The following CALD1 variants were observed in gnomAD, a reference collection of about 807,000 sequenced individuals.
CALD1 encodes the protein caldesmon 1.
In CALD1, 33 loss-of-function variants were observed where a neutral mutation model predicts 99.9. The ratio of observed to expected loss-of-function variants is 0.33; its 90% CI spans 0.25 to 0.44. The LOEUF is 0.44. Ranked by LOEUF, CALD1 falls within the 20% of genes least tolerant of loss-of-function variation. The probability of loss-of-function intolerance (pLI) is 1.00; values close to 1 mark genes in which losing one functional copy is unlikely to be tolerated. For missense variants in CALD1, 861 were observed against 962.1 expected (o/e 0.89, Z 1.39); for synonymous variants, 310 against 325.0 (o/e 0.95, Z 0.50).
chr7:134,826,132 A>G (rs1418423258), intron 1 of CALD1, among the ~76,000 whole-genome samples: 1 of 152,178 alleles, frequency 6.6e-6, no homozygotes, highest in Non-Finnish European at 1.5e-5. Context: ...GAACAAAACT[A>G]GCATTTTTAA....
At chr7:134,806,453 C>T (rs1368015054) in intron 1 of CALD1, among the ~76,000 whole-genome samples, 1 of 152,236 alleles carries the variant, frequency 6.6e-6, no homozygotes, top group Admixed American at 6.5e-5. Flanking sequence ...CCAATGAATG[C>T]TATCATACCC....
intron 1 of CALD1, among the ~76,000 whole-genome samples, chr7:134,747,400 G>A (rs570087472): frequency 6.6e-6 from 1 of 152,366 alleles, no homozygotes; most frequent in East Asian, 1.9e-4. Context: ...ACCCTAGAGG[G>A]AGTTGTTCAA....
At chr7:134,931,126 A>T (rs1479125861) in intron 4 of CALD1, among the ~76,000 whole-genome samples, 1 of 152,028 alleles carries the variant, frequency 6.6e-6, no homozygotes, top group African/African-American at 2.4e-5. Flanking sequence ...TTGAGGTCTG[A>T]GAATGTGTGA....
chr7:134,775,336 T>C (rs954528824), upstream of CALD1, among the ~76,000 whole-genome samples: 1 of 152,258 alleles, frequency 6.6e-6, no homozygotes, highest in African/African-American at 2.4e-5. Context: ...CCTCTTTGCC[T>C]ATTTTTAGGT....
At chr7:134,791,981 A>G (rs1033632432) in intron 1 of CALD1, among the ~76,000 whole-genome samples, 1 of 152,216 alleles carries the variant, frequency 6.6e-6, no homozygotes, top group Non-Finnish European at 1.5e-5. Context: ...TATGGGGGCA[A>G]CTGCCGCCGT....
At chr7:134,738,660 T>C in the CALD1 span, among the ~76,000 whole-genome samples, 3 of 152,354 alleles carry the variant, frequency 2.0e-5, no homozygotes, top group East Asian at 5.8e-4. Context: ...AACTGTCAGA[T>C]GGATCCTCAA....
intron 7 of CALD1, among the ~76,000 whole-genome samples, chr7:134,946,614 T>G (rs1806891598): frequency 6.6e-6 from 1 of 152,198 alleles, no homozygotes; most frequent in Admixed American, 6.5e-5. Flanking sequence ...CTTATTTCAC[T>G]TAGCATAGTA....
chr7:134,838,338 C>A, intron 1 of CALD1, among the ~76,000 whole-genome samples: 1 of 152,058 alleles, frequency 6.6e-6, no homozygotes, highest in Admixed American at 6.6e-5. Flanking sequence ...TAGGGAAAAT[C>A]TGAAATGGAA....
rs373757806 is a variant in CALD1 at position 134,929,648 on chromosome 7, A to G, written c.218+748A>G. On this transcript the variant is annotated intron_variant, in intron 4 of 14. Transcript: ENST00000361675. ...TGTGTGTGTGTGTGTGTGTGTGTGT[A>G]TATATATATATATATATATATACAC... is the stretch of plus-strand genomic sequence containing the variant. Among the ~76,000 whole-genome samples the G allele has an allele frequency of 9.8e-3, 847 of 86,042 alleles. 83 individuals carry two copies. Among genetic ancestry groups the G allele is most frequent in the African/African-American group, 0.037 (673 of 17,950 alleles). 56.4% of individuals were successfully genotyped at this position (86,042 alleles called of 152,430 possible). A position where few individuals can be genotyped will look rare whatever the true frequency, so the allele number is the denominator to read the frequency against.
At chr7:134,902,798 T>G (rs1803093202) in intron 3 of CALD1, among the ~76,000 whole-genome samples, 1 of 152,172 alleles carries the variant, frequency 6.6e-6, no homozygotes, top group Non-Finnish European at 1.5e-5. Flanking sequence ...ATTAACAAAG[T>G]AGAATCCTTC....
chr7:134,758,268 G>A (rs981247538), intron 1 of CALD1, among the ~76,000 whole-genome samples: 2 of 152,148 alleles, frequency 1.3e-5, no homozygotes, highest in Non-Finnish European at 1.5e-5. Flanking sequence ...GGACTTTCTT[G>A]TTGAACCATC....
intron 3 of CALD1, among the ~76,000 whole-genome samples, chr7:134,887,781 TGCATGTGTATGTGTGC>T (rs1801941981): frequency 1.3e-5 from 2 of 150,184 alleles, no homozygotes; most frequent in South Asian, 4.2e-4. Flanking sequence ...TGTATGTGTG[TGCATGTGTATGTGTGC>T]GCATGTGTAT....
intron 5 of CALD1, among the ~76,000 whole-genome samples, chr7:134,935,153 G>GA (rs1586358755): frequency 6.6e-6 from 1 of 152,098 alleles, no homozygotes; most frequent in East Asian, 1.9e-4. Flanking sequence ...AGGAAGGGTG[G>GA]AAATAGTAGG....
intron 1 of CALD1, among the ~76,000 whole-genome samples, chr7:134,840,057 G>A (rs117997281): frequency 0.01 from 1,596 of 152,032 alleles, 10 homozygotes; most frequent in Non-Finnish European, 0.017. Context: ...TCTTTTTATG[G>A]TTTTTAGTTT....
intron 1 of CALD1, among the ~76,000 whole-genome samples, chr7:134,829,353 A>G (rs1421720743): frequency 6.6e-6 from 1 of 152,258 alleles, no homozygotes; most frequent in Non-Finnish European, 1.5e-5. Flanking sequence ...AGGATACGTG[A>G]AAACGTTATC....
At chr7:134,778,114 T>C (rs568359680), upstream of CALD1, among the ~76,000 whole-genome samples, 2 of 152,260 alleles carry the variant, frequency 1.3e-5, no homozygotes, top group East Asian at 3.9e-4. Context: ...CCTGGGAGCC[T>C]CAGCTATAGT....
intron 2 of CALD1, among the ~76,000 whole-genome samples, chr7:134,845,321 G>A (rs1563039987): frequency 6.6e-6 from 1 of 152,158 alleles, no homozygotes; most frequent in Non-Finnish European, 1.5e-5. Flanking sequence ...ATTAGATGCA[G>A]CCTCTGAACC....
In CALD1 at chr7:134,947,657, C is replaced by T. The variant is rs769729218; in HGVS notation, c.1682C>T (p.Ala561Val). ...FEKLKQKQQE[A>V]ALELEELKKK... ...AAGCTCAAACAGAAGCAGCAGGAGG[C>T]GGCTTTGGAGCTGGAGGAACTCAAG... Residue 561 changes from alanine to valine, a missense_variant, in exon 8 of 15, where the codon GCG (alanine) becomes GTG (valine). Around this residue, in one of 5 missense-constraint regions of CALD1, gnomAD observed 293 missense variants for 262.7 expected, o/e 1.12. Transcript: ENST00000361675. The T allele has an allele frequency of 3.1e-5, 49 of 1,584,734 alleles. 1 individual carries two copies. The South Asian group carries it at 4.1e-4, about 13-fold the overall frequency.
At chr7:134,725,810 G>C in the CALD1 span, among the ~76,000 whole-genome samples, 1 of 152,170 alleles carries the variant, frequency 6.6e-6, no homozygotes, top group Non-Finnish European at 1.5e-5. Flanking sequence ...TCATAAGAGT[G>C]AGGCAGGAGG....
Sources: gnomAD v4.1 joint callset for allele counts (sites outside exome capture counted in the v4.1 genomes callset) on GRCh38, gnomAD v4.1.1 for gene constraint, gnomAD v4.1.1 regional missense constraint, MANE v1.5 for transcripts, NCBI Gene and HGNC (gene_info 2026-07-23, HGNC 2026-07-21) for gene names.